The following EIF4G3 variants were observed in gnomAD, a reference collection of about 807,000 sequenced individuals.
EIF4G3 encodes eIF-4-gamma 3.
A neutral mutation model predicts 186.4 loss-of-function variants in EIF4G3; 34 were observed. The observed-to-expected ratio is 0.18, with a 90% CI of 0.14 to 0.24. EIF4G3 has a LOEUF of 0.24. Among genes scored for constraint, EIF4G3 ranks in the 10% least tolerant of loss-of-function variants. EIF4G3 has a pLI of 1.00. For missense variants in EIF4G3, 1,536 were observed against 1,948.5 expected (o/e 0.79, Z 3.99); for synonymous variants, 673 against 679.5 (o/e 0.99, Z 0.15).
intron 14 of EIF4G3, among the ~76,000 whole-genome samples, chr1:20,931,730 T>G (rs1298609487): frequency 1.3e-5 from 2 of 152,032 alleles, no homozygotes; most frequent in African/African-American, 2.4e-5. Flanking sequence ...ATTGAGACCA[T>G]CCTGGCCAAC....
At chr1:20,895,142 T>TA (rs1034394935) in intron 17 of EIF4G3, among the ~76,000 whole-genome samples, 147 of 151,808 alleles carry the variant, frequency 9.7e-4, no homozygotes, top group Middle Eastern at 3.4e-3. Context: ...CAATAAACAT[T>TA]AAAAAAAACC....
intron 4 of EIF4G3, among the ~76,000 whole-genome samples, chr1:21,041,571 A>G (rs550503702): frequency 1.3e-5 from 2 of 152,368 alleles, no homozygotes; most frequent in South Asian, 4.1e-4. Context: ...GGTGATTAAG[A>G]GTAGTAAGAT....
chr1:21,012,900 C>T lies in EIF4G3; in HGVS notation c.-66-10092G>A, dbSNP rs115326888. Among the ~76,000 whole-genome samples the T allele has an allele frequency of 8.3e-3, 1,259 of 152,164 alleles. 12 individuals carry two copies. Among genetic ancestry groups the T allele is most frequent in the Non-Finnish European group, 0.013 (872 of 67,994 alleles). On this transcript the variant is annotated intron_variant, in intron 4 of 36. Transcript: ENST00000602326. ...AGACAGGTGAGAAACCGTGAGTTCC[C>T]CAAGTGTAAAAGCAGGAAAACCCGC...
intron 2 of EIF4G3, among the ~76,000 whole-genome samples, chr1:21,157,054 T>A (rs1464565013): frequency 6.6e-6 from 1 of 152,052 alleles, no homozygotes; most frequent in Non-Finnish European, 1.5e-5. Context: ...CAAGACCCTA[T>A]CTCAAAAAAT....
At chr1:21,085,981 C>T (rs1226952048) in intron 3 of EIF4G3, among the ~76,000 whole-genome samples, 1 of 151,982 alleles carries the variant, frequency 6.6e-6, no homozygotes, top group South Asian at 2.1e-4. Context: ...AGTAAGCCAT[C>T]GCGCCTGGCC....
chr1:21,015,199 T>G (rs1044069753), intron 4 of EIF4G3, among the ~76,000 whole-genome samples: 1 of 151,778 alleles, frequency 6.6e-6, no homozygotes, highest in Admixed American at 6.6e-5. Flanking sequence ...GTGAACTTAA[T>G]GAAAAGTTAT....
intron 31 of EIF4G3, among the ~76,000 whole-genome samples, chr1:20,828,272 C>T (rs1056018931): frequency 3.3e-5 from 5 of 151,964 alleles, no homozygotes; most frequent in South Asian, 4.1e-4. Flanking sequence ...CCTTGTGATC[C>T]GCCTGCCTCG....
intron 4 of EIF4G3, among the ~76,000 whole-genome samples, chr1:21,020,147 A>G (rs2090322449): frequency 6.6e-6 from 1 of 152,154 alleles, no homozygotes; most frequent in Admixed American, 6.6e-5. Flanking sequence ...ACGTGCCAAA[A>G]CACTATGCTG....
At chr1:20,933,491 C>T (rs2095409136) in intron 14 of EIF4G3, among the ~76,000 whole-genome samples, 1 of 152,008 alleles carries the variant, frequency 6.6e-6, no homozygotes, top group Non-Finnish European at 1.5e-5. Context: ...CCTGTCTCTA[C>T]TAAAAATACA....
At chr1:20,897,270 T>C (rs1376934877) in intron 16 of EIF4G3, among the ~76,000 whole-genome samples, 2 of 152,176 alleles carry the variant, frequency 1.3e-5, no homozygotes, top group Non-Finnish European at 2.9e-5. Context: ...GGACATGTAA[T>C]AATCCTCATT....
At chr1:20,894,956 T>C (rs768876345) in intron 17 of EIF4G3, among the ~76,000 whole-genome samples, 29 of 152,200 alleles carry the variant, frequency 1.9e-4, no homozygotes, top group African/African-American at 5.8e-4. Flanking sequence ...CTCTCACTTA[T>C]GTTTGATCTG....
chr1:21,001,174 A>T (rs1265516601), intron 6 of EIF4G3, 25 bp downstream of exon 6: 1 of 471,494 alleles, frequency 2.1e-6, no homozygotes, highest in Admixed American at 2.3e-5. Context: ...TGCCTGCAAG[A>T]AGTACAGTTT....
chr1:21,110,293 G>A (rs1020900121), intron 2 of EIF4G3, among the ~76,000 whole-genome samples: 1 of 150,658 alleles, frequency 6.6e-6, no homozygotes, highest in African/African-American at 2.5e-5. Flanking sequence ...TCAGAGTAAC[G>A]TTTTCTCTTT....
At chr1:21,081,005 CCA>C (rs1006016842) in intron 3 of EIF4G3, among the ~76,000 whole-genome samples, 2 of 152,130 alleles carry the variant, frequency 1.3e-5, no homozygotes, top group African/African-American at 4.8e-5. Context: ...TAGTAAAATT[CCA>C]CAGTTTATAC....
chr1:20,847,889 T>G (rs2071714396), intron 29 of EIF4G3: 1 of 467,534 alleles, frequency 2.1e-6, no homozygotes, highest in Admixed American at 2.4e-5. Context: ...TTTAGAAGAT[T>G]GAACTATAGA....
chr1:20,939,050 T>C (rs958328527), intron 14 of EIF4G3, among the ~76,000 whole-genome samples: 3 of 146,076 alleles, frequency 2.1e-5, no homozygotes, highest in Non-Finnish European at 4.5e-5. Flanking sequence ...GAGGTTGCAG[T>C]GAGCCGAGAT....
chr1:21,138,488 GACCAA>G (rs112621170), intron 2 of EIF4G3, among the ~76,000 whole-genome samples: 162 of 152,260 alleles, frequency 1.1e-3, no homozygotes, highest in African/African-American at 3.8e-3. Flanking sequence ...GTTCAGCACA[GACCAA>G]ACCAAAGGAA....
chr1:20,922,827 A>G (rs2094577320), intron 14 of EIF4G3, among the ~76,000 whole-genome samples: 1 of 152,200 alleles, frequency 6.6e-6, no homozygotes, highest in South Asian at 2.1e-4. Flanking sequence ...TAAGGATTGT[A>G]TTTTGTTGGT....
At chr1:20,916,539 T>A (rs2093894318) in intron 14 of EIF4G3, among the ~76,000 whole-genome samples, 1 of 152,188 alleles carries the variant, frequency 6.6e-6, no homozygotes, top group African/African-American at 2.4e-5. Context: ...GTCAATTCTG[T>A]CTACAGTGTC....
Sources: gnomAD v4.1 joint callset for allele counts (sites outside exome capture counted in the v4.1 genomes callset) on GRCh38, gnomAD v4.1.1 for gene constraint, MANE v1.5 for transcripts, NCBI Gene and HGNC (gene_info 2026-07-23, HGNC 2026-07-21) for gene names.